The following ZMAT4 variants were observed in gnomAD, a reference collection of about 807,000 sequenced individuals.
The protein encoded by ZMAT4 is zinc finger matrin-type 4.
A neutral mutation model predicts 28.7 loss-of-function variants in ZMAT4; 17 were observed. The observed-to-expected ratio is 0.59, with a 90% confidence interval of 0.41 to 0.89. The LOEUF (loss-of-function observed/expected upper bound fraction) is 0.89, where lower values mean the gene tolerates loss of function less well. ZMAT4 is among the 40% of genes least tolerant of loss of function. The probability of loss-of-function intolerance (pLI) is 0.00; values close to 1 mark genes in which losing one functional copy is unlikely to be tolerated. For missense variants in ZMAT4, 240 were observed against 283.8 expected, an observed-to-expected ratio of 0.85 and a Z score of 1.11; for synonymous variants, 117 against 109.2, an observed-to-expected ratio of 1.07 and a Z score of -0.44.
At chr8:40,826,824 G>T (rs114910292) in intron 1 of ZMAT4, among the ~76,000 whole-genome samples, 4 of 152,064 alleles carry the variant, frequency 2.6e-5, no homozygotes, top group Non-Finnish European at 5.9e-5. Context: ...GCGATCTGTC[G>T]GAAACGGATC....
chr8:40,789,813 G>C (rs1243606628), intron 2 of ZMAT4, among the ~76,000 whole-genome samples: 1 of 152,204 alleles, frequency 6.6e-6, no homozygotes. Flanking sequence ...GCAAACTACT[G>C]TGTAGCAGAC....
intron 1 of ZMAT4, among the ~76,000 whole-genome samples, chr8:40,833,540 C>CAAAAAAAAAAAAAAAAAA (rs57458575): frequency 9.2e-4 from 80 of 87,028 alleles, no homozygotes; most frequent in South Asian, 1.4e-3. Flanking sequence ...TACACTCCAG[C>CAAAAAAAAAAAAAAAAAA]AAAAAAAAAA....
At chr8:40,626,551 A>T (rs1217894992) in intron 5 of ZMAT4, among the ~76,000 whole-genome samples, 1 of 152,218 alleles carries the variant, frequency 6.6e-6, no homozygotes, top group African/African-American at 2.4e-5. Context: ...GACCTGTCTC[A>T]CCTGCCTCCA....
chr8:40,896,224 G>T (rs982083067), intron 1 of ZMAT4, among the ~76,000 whole-genome samples: 17 of 152,316 alleles, frequency 1.1e-4, no homozygotes, highest in Middle Eastern at 3.4e-3. Context: ...GATTTGTGGA[G>T]CTGGAGAATC....
intron 6 of ZMAT4, among the ~76,000 whole-genome samples, chr8:40,573,374 C>G (rs1440886316): frequency 6.6e-6 from 1 of 152,182 alleles, no homozygotes; most frequent in African/African-American, 2.4e-5. Context: ...CCTTCCTTGA[C>G]TCTTCCAGTT....
chr8:40,577,201 GA>G (rs112453973), intron 6 of ZMAT4, among the ~76,000 whole-genome samples: 38 of 144,776 alleles, frequency 2.6e-4, no homozygotes, highest in Admixed American at 6.1e-4. Flanking sequence ...TCTCAAAAAA[GA>G]AAAAAAAAAG....
chr8:40,713,921 C>CACAAAAAAAAAA (rs1810733443), intron 3 of ZMAT4, among the ~76,000 whole-genome samples: 1 of 50,030 alleles, frequency 2.0e-5, no homozygotes. Flanking sequence ...AAAACAAAAC[C>CACAAAAAAAAAA]AAAAAAAAAA....
intron 5 of ZMAT4, among the ~76,000 whole-genome samples, chr8:40,597,393 C>A (rs1450538823): frequency 6.6e-6 from 1 of 152,138 alleles, no homozygotes; most frequent in Non-Finnish European, 1.5e-5. Context: ...AGGCCACTTG[C>A]AATAACTCAG....
intron 2 of ZMAT4, 27 bp downstream of exon 2, chr8:40,825,548 A>G: frequency 6.5e-7 from 1 of 1,545,354 alleles, no homozygotes; most frequent in Non-Finnish European, 8.8e-7. Flanking sequence ...CTACATTTGC[A>G]AACAGAGTGG....
intron 2 of ZMAT4, among the ~76,000 whole-genome samples, chr8:40,774,079 A>G (rs1289701837): frequency 6.6e-6 from 1 of 152,134 alleles, no homozygotes; most frequent in Admixed American, 6.5e-5. Context: ...CCTGGCTACA[A>G]ATTTGAAATA....
At chr8:40,597,308 T>A (rs147805807) in intron 5 of ZMAT4, among the ~76,000 whole-genome samples, 16 of 152,302 alleles carry the variant, frequency 1.1e-4, no homozygotes, top group African/African-American at 3.8e-4. Flanking sequence ...ATATTATGAA[T>A]AGGATTACTC....
intron 3 of ZMAT4, among the ~76,000 whole-genome samples, chr8:40,702,963 A>G (rs1810208575): frequency 6.6e-6 from 1 of 152,192 alleles, no homozygotes; most frequent in Admixed American, 6.5e-5. Flanking sequence ...CAATCGATTA[A>G]AAAGCATAGT....
chr8:40,580,620 G>A (rs1804432447), intron 6 of ZMAT4, among the ~76,000 whole-genome samples: 1 of 152,074 alleles, frequency 6.6e-6, no homozygotes, highest in Non-Finnish European at 1.5e-5. Flanking sequence ...GGTGCCTGGT[G>A]AGACTTTCTC....
chr8:40,631,576 G>A (rs1006917755), intron 5 of ZMAT4, among the ~76,000 whole-genome samples: 1 of 152,204 alleles, frequency 6.6e-6, no homozygotes, highest in African/African-American at 2.4e-5. Context: ...CCCTGTTCTG[G>A]CCTGTTCCTG....
At chr8:40,870,534 A>G (rs959449274) in intron 1 of ZMAT4, among the ~76,000 whole-genome samples, 2 of 152,212 alleles carry the variant, frequency 1.3e-5, no homozygotes, top group African/African-American at 2.4e-5. Flanking sequence ...CTAGAAGAGA[A>G]GATTATCCTT....
chr8:40,686,086 T>G (rs1285405448), intron 4 of ZMAT4, among the ~76,000 whole-genome samples: 4 of 152,202 alleles, frequency 2.6e-5, no homozygotes, highest in Non-Finnish European at 5.9e-5. Flanking sequence ...GTTCTGGCAC[T>G]GTGCCCTGCC....
chr8:40,664,959 G>A (rs1232817657), intron 5 of ZMAT4, among the ~76,000 whole-genome samples: 2 of 152,192 alleles, frequency 1.3e-5, no homozygotes, highest in East Asian at 1.9e-4. Context: ...CTGAGATGTG[G>A]ACAAAGGCCA....
At chr8:40,633,041 T>A (rs1334010615) in intron 5 of ZMAT4, among the ~76,000 whole-genome samples, 1 of 152,194 alleles carries the variant, frequency 6.6e-6, no homozygotes, top group Admixed American at 6.5e-5. Context: ...TCATCCTCCT[T>A]GTCCCAAGAA....
chr8:40,825,549 A>G (rs367665963), intron 2 of ZMAT4, 26 bp downstream of exon 2: 12 of 1,545,600 alleles, frequency 7.8e-6, no homozygotes, highest in African/African-American at 1.4e-5. Context: ...TACATTTGCA[A>G]ACAGAGTGGG....
Sources: gnomAD v4.1 joint callset for allele counts (sites outside exome capture counted in the v4.1 genomes callset) on GRCh38, gnomAD v4.1.1 for gene constraint, MANE v1.5 for transcripts, NCBI Gene and HGNC (gene_info 2026-07-23, HGNC 2026-07-21) for gene names.